Variants in PLXNC1 observed in about 807,000 individuals in gnomAD.
PLXNC1 encodes plexin C1, also known as plexin-C1.
A neutral mutation model predicts 178.2 loss-of-function variants in PLXNC1; 75 were observed. The ratio of observed to expected loss-of-function variants is 0.42; its 90% CI spans 0.35 to 0.51. The LOEUF is 0.51. PLXNC1 is among the 20% of genes least tolerant of loss of function. The probability of loss-of-function intolerance (pLI) is 0.02; values close to 1 mark genes in which losing one functional copy is unlikely to be tolerated. For synonymous variants in PLXNC1, 790 were observed against 779.9 expected (o/e 1.01, Z -0.22); for missense variants, 1,503 against 1,984.4 (o/e 0.76, Z 4.61).
intron 1 of PLXNC1, 107 bp from the exon 2 acceptor site, chr12:94,169,046 A>G (rs1961737917): frequency 3.0e-6 from 3 of 995,620 alleles, no homozygotes; most frequent in Non-Finnish European, 4.4e-6. Flanking sequence ...GGGGCCCAGA[A>G]GTGAGATCCT....
chr12:94,150,546 C>A (rs537118476), intron 1 of PLXNC1, among the ~76,000 whole-genome samples: 1 of 152,232 alleles, frequency 6.6e-6, no homozygotes. Flanking sequence ...GTCTCCGCCC[C>A]CCACCGGCAA....
intron 5 of PLXNC1, among the ~76,000 whole-genome samples, chr12:94,214,170 G>A (rs1456486936): frequency 2.0e-5 from 3 of 150,008 alleles, no homozygotes; most frequent in Non-Finnish European, 3.0e-5. Context: ...CTGCAGCCTC[G>A]AACCCCTGGG....
intron 2 of PLXNC1, among the ~76,000 whole-genome samples, 169 bp downstream of exon 2, chr12:94,169,462 G>A (rs936399619): frequency 1.3e-5 from 2 of 152,168 alleles, no homozygotes; most frequent in African/African-American, 2.4e-5. Flanking sequence ...AATTCTGTAT[G>A]TAAGAATGCC....
intron 18 of PLXNC1, 78 bp from the exon 19 acceptor site, chr12:94,259,532 C>A (rs1964938925): frequency 8.2e-7 from 1 of 1,214,120 alleles, no homozygotes; most frequent in Non-Finnish European, 1.1e-6. Context: ...TCTTGGAAAA[C>A]CCATTGTGGG....
intron 1 of PLXNC1, among the ~76,000 whole-genome samples, chr12:94,156,750 T>C (rs1961186806): frequency 6.8e-6 from 1 of 146,996 alleles, no homozygotes; most frequent in Non-Finnish European, 1.5e-5. Flanking sequence ...CCCTGTCACC[T>C]AGACTGGAGT....
chr12:94,231,166 TG>T (rs2136036811), intron 9 of PLXNC1, among the ~76,000 whole-genome samples: 1 of 152,286 alleles, frequency 6.6e-6, no homozygotes, highest in African/African-American at 2.4e-5. Context: ...TCAGTGTGGT[TG>T]GTTAAGTCTT....
intron 12 of PLXNC1, 114 bp from the exon 13 acceptor site, chr12:94,247,789 A>G (rs1964570294): frequency 2.3e-6 from 2 of 880,494 alleles, no homozygotes; most frequent in Non-Finnish European, 3.6e-6. Context: ...TCCATATTAC[A>G]CATGAGAAAA....
intron 9 of PLXNC1, among the ~76,000 whole-genome samples, 189 bp from the exon 10 acceptor site, chr12:94,237,475 T>A (rs530910197): frequency 6.6e-6 from 1 of 152,230 alleles, no homozygotes; most frequent in Non-Finnish European, 1.5e-5. Context: ...TGCTGTCACA[T>A]GTTGAGAGAC....
chr12:94,307,377 CA>C lies in PLXNC1; in HGVS notation c.*2095del, dbSNP rs1969154575. The C allele has an allele frequency of 6.6e-6, 1 of 152,142 alleles. No individual in the cohort carries two copies. 9.4% of individuals were successfully genotyped at this position (152,142 alleles called of 1,614,324 possible). On this transcript the variant is annotated 3_prime_UTR_variant, in exon 31 of 31. Coordinates refer to ENST00000258526, the MANE Select transcript of PLXNC1 (RefSeq NM_005761.3). Reference sequence around the variant, plus strand: ...ACATTAGCCAAATGCAGTAAATGGCCAAATTAGATGTGTGCTGAAGACAATC... The same window carrying C: ...ACATTAGCCAAATGCAGTAAATGGCCAATTAGATGTGTGCTGAAGACAATC...
At chr12:94,162,875 T>C (rs1565787317) in intron 1 of PLXNC1, among the ~76,000 whole-genome samples, 1 of 152,100 alleles carries the variant, frequency 6.6e-6, no homozygotes, top group Non-Finnish European at 1.5e-5. Context: ...GACATTTACT[T>C]AGGGGATGTT....
At chr12:94,279,721 TC>T in intron 22 of PLXNC1, 72 bp downstream of exon 22, 1 of 1,287,768 alleles carries the variant, frequency 7.8e-7, no homozygotes. Context: ...TCCCTCCCTG[TC>T]CCCCCTCCCT....
In PLXNC1 at chr12:94,220,031, G is replaced by A; in HGVS notation, c.1570G>A (p.Val524Met). Residue 524 changes from valine (V) to methionine (M), a missense_variant, in exon 6 of 31, where the codon GTG becomes ATG. Val to Met is a conservative substitution (Grantham distance 21). Around this residue, in one of 4 missense-constraint regions of PLXNC1, gnomAD observed 615 missense variants for 698.6 expected, o/e 0.88. Transcript: ENST00000258526. ...SSKEKTTVTM[V>M]GSFSPRHSKC... ...CCCCGCACAGACTACAGTGACTATGGTGGGAAGCTTCTCTCCAAGACACTC... is the reference window on the plus strand; with the variant it reads ...CCCCGCACAGACTACAGTGACTATGATGGGAAGCTTCTCTCCAAGACACTC... 2 of 1,613,808 alleles carry A rather than the reference G, an allele frequency of 1.2e-6. No individual in the cohort carries two copies. Among genetic ancestry groups the A allele is most frequent in the Non-Finnish European group, 8.5e-7 (1 of 1,179,846 alleles).
chr12:94,232,745 C>T (rs1487069544), intron 9 of PLXNC1, among the ~76,000 whole-genome samples: 1 of 152,156 alleles, frequency 6.6e-6, no homozygotes, highest in African/African-American at 2.4e-5. Context: ...CCAGAATGTA[C>T]TCAAATGAAC....
chr12:94,256,369 C>T (rs1034602577), intron 17 of PLXNC1: 3 of 152,146 alleles, frequency 2.0e-5, no homozygotes, highest in South Asian at 2.1e-4. Context: ...CTCCATAAAA[C>T]ACCTGCCATA....
intron 2 of PLXNC1, among the ~76,000 whole-genome samples, chr12:94,179,896 G>T (rs1371273116): frequency 6.6e-6 from 1 of 152,130 alleles, no homozygotes; most frequent in African/African-American, 2.4e-5. Context: ...GGCACTATTA[G>T]CCCCATTTTA....
intron 15 of PLXNC1, among the ~76,000 whole-genome samples, chr12:94,252,826 C>G (rs1300889270): frequency 6.6e-6 from 1 of 152,192 alleles, no homozygotes. Context: ...ATATCTGTAG[C>G]CATTTCGTTT....
chr12:94,155,913 G>A (rs895943100), intron 1 of PLXNC1, among the ~76,000 whole-genome samples: 1 of 152,200 alleles, frequency 6.6e-6, no homozygotes, highest in African/African-American at 2.4e-5. Context: ...GTCAGATAAA[G>A]GGATGAGGGA....
chr12:94,278,922 C>T (rs989997108), intron 21 of PLXNC1, among the ~76,000 whole-genome samples: 2 of 152,056 alleles, frequency 1.3e-5, no homozygotes, highest in South Asian at 2.1e-4. Context: ...TGCTTGAACC[C>T]AGGAGGCGGA....
At chr12:94,278,193 C>T in intron 21 of PLXNC1, 1 of 370,368 alleles carries the variant, frequency 2.7e-6, no homozygotes, top group East Asian at 7.4e-5. Flanking sequence ...TTTACATTCC[C>T]TCGTTAAGCC....
Sources: allele counts gnomAD v4.1 joint callset (sites outside exome capture counted in the v4.1 genomes callset), GRCh38; gene constraint gnomAD v4.1.1; regional missense constraint gnomAD v4.1.1; transcripts MANE v1.5; gene names NCBI Gene and HGNC (gene_info 2026-07-23, HGNC 2026-07-21).